The following ZFAND6 variants were observed in gnomAD, a reference collection of about 807,000 sequenced individuals.
ZFAND6 encodes zinc finger AN1-type containing 6.
Under a neutral mutation model 24.5 loss-of-function variants are expected in ZFAND6, and 12 were observed. That is an observed-to-expected ratio of 0.49 (90% CI 0.31 to 0.79). The LOEUF (loss-of-function observed/expected upper bound fraction) is 0.79. Among genes scored for constraint, ZFAND6 ranks in the 30% least tolerant of loss-of-function variants. The pLI, the probability that ZFAND6 is intolerant of heterozygous loss-of-function variation, is 0.04. For missense variants in ZFAND6, 207 were observed against 245.9 expected (o/e 0.84, Z 1.06); for synonymous variants, 92 against 81.5 (o/e 1.13, Z -0.69).
chr15:80,123,475 C>G (rs1254193038), intron 5 of ZFAND6, among the ~76,000 whole-genome samples: 1 of 152,272 alleles, frequency 6.6e-6, no homozygotes, highest in Non-Finnish European at 1.5e-5. Context: ...GGAAGGATCT[C>G]TGGAAAGATA....
chr15:80,082,615 C>A (rs567948477), intron 1 of ZFAND6, among the ~76,000 whole-genome samples: 1 of 152,280 alleles, frequency 6.6e-6, no homozygotes, highest in South Asian at 2.1e-4. Context: ...GGTTTGGTAT[C>A]TCAATATCAC....
At chr15:80,091,161 G>GTC (rs373598001) in intron 1 of ZFAND6, among the ~76,000 whole-genome samples, 75 of 12,818 alleles carry the variant, frequency 5.9e-3, no homozygotes, top group Non-Finnish European at 6.9e-3. Flanking sequence ...TTGTTAAGGG[G>GTC]TGTGTGTGTG....
chr15:80,089,267 T>G (rs1461924508), intron 1 of ZFAND6, among the ~76,000 whole-genome samples: 1 of 135,408 alleles, frequency 7.4e-6, no homozygotes, highest in African/African-American at 2.8e-5. Flanking sequence ...GTGTTTTTTT[T>G]TTTTTTTTTT....
At chr15:80,134,282 T>C (rs1313891479) in intron 6 of ZFAND6, among the ~76,000 whole-genome samples, 1 of 152,130 alleles carries the variant, frequency 6.6e-6, no homozygotes, top group East Asian at 1.9e-4. Flanking sequence ...GAGCCACAGC[T>C]CCTGGCCTAA....
intron 2 of ZFAND6, among the ~76,000 whole-genome samples, chr15:80,116,130 C>T (rs1329802590): frequency 6.6e-6 from 1 of 150,598 alleles, no homozygotes; most frequent in Non-Finnish European, 1.5e-5. Context: ...GCCCCCACCT[C>T]CAGAAGATTT....
intron 1 of ZFAND6, among the ~76,000 whole-genome samples, chr15:80,068,620 C>G (rs1160431270): frequency 2.6e-5 from 4 of 152,204 alleles, no homozygotes; most frequent in African/African-American, 7.2e-5. Context: ...GATCCGCCCA[C>G]TGTGGCCTCC....
intron 1 of ZFAND6, among the ~76,000 whole-genome samples, chr15:80,089,077 T>G (rs573831508): frequency 6.6e-6 from 1 of 152,196 alleles, no homozygotes; most frequent in East Asian, 1.9e-4. Flanking sequence ...CGGGCCCTTT[T>G]CACTTTTACA....
At chr15:80,128,338 C>G (rs2040459016) in intron 5 of ZFAND6, among the ~76,000 whole-genome samples, 1 of 152,112 alleles carries the variant, frequency 6.6e-6, no homozygotes, top group Non-Finnish European at 1.5e-5. Context: ...CTCCCCACCA[C>G]CCCAAGACAG....
intron 2 of ZFAND6, among the ~76,000 whole-genome samples, chr15:80,118,086 C>A (rs1487813416): frequency 1.3e-5 from 2 of 151,508 alleles, no homozygotes; most frequent in African/African-American, 4.9e-5. Context: ...ACTATATATA[C>A]ACACATTATA....
intron 6 of ZFAND6, among the ~76,000 whole-genome samples, chr15:80,132,587 G>A (rs1228332120): frequency 6.6e-6 from 1 of 152,138 alleles, no homozygotes; most frequent in Non-Finnish European, 1.5e-5. Flanking sequence ...CACTTAAAAT[G>A]CCACACATTT....
At chr15:80,103,125 A>T (rs981508326) in intron 2 of ZFAND6, among the ~76,000 whole-genome samples, 1 of 152,218 alleles carries the variant, frequency 6.6e-6, no homozygotes, top group South Asian at 2.1e-4. Context: ...ATAGGTATAC[A>T]GATTGTCTTA....
chr15:80,080,471 A>T (rs1186517856), intron 1 of ZFAND6, among the ~76,000 whole-genome samples: 1 of 152,236 alleles, frequency 6.6e-6, no homozygotes, highest in Non-Finnish European at 1.5e-5. Context: ...TAAATTAGAC[A>T]TAGTAAGACA....
At chr15:80,125,593 C>A (rs1185565936) in intron 5 of ZFAND6, among the ~76,000 whole-genome samples, 1 of 152,126 alleles carries the variant, frequency 6.6e-6, no homozygotes, top group Non-Finnish European at 1.5e-5. Flanking sequence ...CTTAGTTGTT[C>A]TTTTTGATTT....
chr15:80,128,820 G>A (rs149268355), intron 5 of ZFAND6, among the ~76,000 whole-genome samples: 4 of 152,230 alleles, frequency 2.6e-5, no homozygotes, highest in African/African-American at 9.6e-5. Context: ...GGGGCTTTAG[G>A]GTTAATACTG....
intron 3 of ZFAND6, among the ~76,000 whole-genome samples, chr15:80,121,383 T>C (rs1490585701): frequency 6.6e-6 from 1 of 152,246 alleles, no homozygotes; most frequent in Non-Finnish European, 1.5e-5. Flanking sequence ...CACTGCTATG[T>C]CATCTTATTT....
intron 1 of ZFAND6, chr15:80,060,121 T>G (rs1446520627): frequency 2.0e-5 from 3 of 151,636 alleles, no homozygotes; most frequent in South Asian, 2.1e-4. Context: ...GGAGCCTCAG[T>G]TCTTCAGGGC....
chr15:80,067,483 G>C (rs921533413), intron 1 of ZFAND6, among the ~76,000 whole-genome samples: 1 of 152,048 alleles, frequency 6.6e-6, no homozygotes, highest in Non-Finnish European at 1.5e-5. Context: ...ATAAACATTT[G>C]TAACAACTCC....
At chr15:80,104,544 C>T (rs1464208777) in intron 2 of ZFAND6, among the ~76,000 whole-genome samples, 1 of 151,984 alleles carries the variant, frequency 6.6e-6, no homozygotes, top group Non-Finnish European at 1.5e-5. Context: ...TCAATCCATC[C>T]ATCCATCCAT....
chr15:80,063,926 G>A (rs2036471916), intron 1 of ZFAND6, among the ~76,000 whole-genome samples: 1 of 152,196 alleles, frequency 6.6e-6, no homozygotes, highest in South Asian at 2.1e-4. Flanking sequence ...GGCCTCAAAT[G>A]ATCTGCCTGC....
Sources: allele counts gnomAD v4.1 joint callset (sites outside exome capture counted in the v4.1 genomes callset), GRCh38; gene constraint gnomAD v4.1.1; transcripts MANE v1.5; gene names NCBI Gene and HGNC (gene_info 2026-07-23, HGNC 2026-07-21).